Variants in SNTB1 observed in about 807,000 individuals in gnomAD.
The protein encoded by SNTB1 is beta-1-syntrophin.
A neutral mutation model predicts 48.9 loss-of-function variants in SNTB1; 36 were observed. That is an observed-to-expected ratio of 0.74 (90% confidence interval 0.56 to 0.97). The LOEUF (loss-of-function observed/expected upper bound fraction) is 0.97, where lower values mean the gene tolerates loss of function less well. Among genes scored for constraint, SNTB1 ranks in the 50% least tolerant of loss-of-function variants. The pLI is 0.00. For missense variants in SNTB1, 786 were observed against 703.4 expected, an observed-to-expected ratio of 1.12 and a Z score of -1.33; for synonymous variants, 299 against 294.6, an observed-to-expected ratio of 1.01 and a Z score of -0.15.
At chr8:120,618,188 T>C (rs1313303735) in intron 3 of SNTB1, among the ~76,000 whole-genome samples, 1 of 152,184 alleles carries the variant, frequency 6.6e-6, no homozygotes, top group Non-Finnish European at 1.5e-5. Flanking sequence ...GAGCCCCCAC[T>C]GATTTAATAT....
intron 2 of SNTB1, among the ~76,000 whole-genome samples, chr8:120,645,613 G>A (rs1817279502): frequency 7.2e-6 from 1 of 138,006 alleles, no homozygotes; most frequent in Non-Finnish European, 1.6e-5. Context: ...CTCCAGCTTT[G>A]TTCTTTTGGC....
chr8:120,636,320 C>T (rs953113816), intron 2 of SNTB1, among the ~76,000 whole-genome samples: 2 of 147,312 alleles, frequency 1.4e-5, no homozygotes, highest in African/African-American at 5.0e-5. Flanking sequence ...TATACATGTG[C>T]CATGCTGGTG....
chr8:120,794,685 A>G (rs1820092363), intron 1 of SNTB1, among the ~76,000 whole-genome samples: 1 of 152,022 alleles, frequency 6.6e-6, no homozygotes, highest in African/African-American at 2.4e-5. Context: ...TTCAGTCAGT[A>G]CTGATTGAAG....
chr8:120,558,366 T>C (rs900567438), intron 4 of SNTB1, among the ~76,000 whole-genome samples: 6 of 152,166 alleles, frequency 3.9e-5, no homozygotes, highest in Non-Finnish European at 8.8e-5. Context: ...GGGACGGGGT[T>C]TGAAGCTGAA....
At chr8:120,601,282 C>A (rs1333246042) in intron 3 of SNTB1, among the ~76,000 whole-genome samples, 1 of 152,092 alleles carries the variant, frequency 6.6e-6, no homozygotes, top group Non-Finnish European at 1.5e-5. Context: ...CATTACATAC[C>A]TAAGGATGGT....
intron 1 of SNTB1, among the ~76,000 whole-genome samples, chr8:120,767,408 A>T (rs867116246): frequency 1.3e-5 from 2 of 152,240 alleles, no homozygotes; most frequent in South Asian, 4.1e-4. Context: ...GTGTATATAA[A>T]GTGTTCATAC....
intron 1 of SNTB1, among the ~76,000 whole-genome samples, chr8:120,737,039 A>G (rs1174904649): frequency 6.6e-6 from 1 of 152,206 alleles, no homozygotes; most frequent in East Asian, 1.9e-4. Flanking sequence ...ATATATTAGC[A>G]TGATGGAGCG....
At chr8:120,578,706 GAA>G (rs1361971208) in intron 3 of SNTB1, among the ~76,000 whole-genome samples, 1 of 152,186 alleles carries the variant, frequency 6.6e-6, no homozygotes, top group African/African-American at 2.4e-5. Context: ...AGCATGAGAG[GAA>G]AGGTTTACAA....
chr8:120,754,624 T>C (rs889293454), intron 1 of SNTB1, among the ~76,000 whole-genome samples: 5 of 152,166 alleles, frequency 3.3e-5, no homozygotes, highest in Non-Finnish European at 7.4e-5. Context: ...AATGACATCA[T>C]GCATGTGAAG....
intron 2 of SNTB1, among the ~76,000 whole-genome samples, chr8:120,670,885 C>T (rs963902283): frequency 2.0e-5 from 3 of 152,164 alleles, no homozygotes; most frequent in Non-Finnish European, 2.9e-5. Flanking sequence ...CTGTTACTAC[C>T]ATTCTATGAA....
rs555764304 is a variant in SNTB1 at position 120,655,799 on chromosome 8, C to A, written c.789-23148G>T. 3.3e-5 allele frequency among the ~76,000 whole-genome samples: 5 copies of A among 152,278 alleles called. No homozygotes were observed. The South Asian group carries it at 1.0e-3, about 32-fold the overall frequency. ...CTTCCTTGTTGCTCAAGGACAGAAC[C>A]ACTCACACTGAATGGCAATTCTGAA... On this transcript the variant is annotated intron_variant, in intron 2 of 6. Transcript: ENST00000517992.
At position 120,662,576 on chromosome 8, in the gene SNTB1, G is replaced by A. The variant is rs375588575; in HGVS notation, c.789-29925C>T. 5.9e-5 allele frequency among the ~76,000 whole-genome samples: 9 copies of A among 152,292 alleles called. No individual in the cohort carries two copies. In the East Asian group the frequency reaches 1.2e-3, roughly 20 times the overall value. On this transcript the variant is annotated intron_variant, in intron 2 of 6. Coordinates refer to ENST00000517992, the MANE Select transcript of SNTB1 (RefSeq NM_021021.4). ...GGTTGGGAGGAGCAGGCAGTGGAGA[G>A]CGAGAGGAGAATGCTGTGTGTGCTG...
chr8:120,613,322 G>A (rs1173311608), intron 3 of SNTB1, among the ~76,000 whole-genome samples: 1 of 149,954 alleles, frequency 6.7e-6, no homozygotes, highest in East Asian at 1.9e-4. Flanking sequence ...CTGCACTTTA[G>A]CCTGGGCAAC....
chr8:120,729,032 T>G (rs1041689515), intron 1 of SNTB1, among the ~76,000 whole-genome samples: 2 of 151,630 alleles, frequency 1.3e-5, no homozygotes, highest in East Asian at 1.9e-4. Flanking sequence ...CAGGCTGGAG[T>G]GCACTGGTGC....
rs959301730 is a variant in SNTB1, at chr8:120,537,264, A to G, written c.*1613T>C. The G allele has an allele frequency of 6.6e-6, 1 of 152,154 alleles. No homozygotes were observed. Among genetic ancestry groups the G allele is most frequent in the African/African-American group, 2.4e-5 (1 of 41,444 alleles). 9.4% of individuals were successfully genotyped at this position (152,154 alleles called of 1,614,324 possible). A position where few individuals can be genotyped will look rare whatever the true frequency, so the allele number is the denominator to read the frequency against. On this transcript the variant is annotated 3_prime_UTR_variant, in exon 7 of 7. Transcript: ENST00000517992. ...CCGGATTTCGCCTTGAAGAACCACA[A>G]TGAACTTTAAAATCTTCAAGGAGGC...
chr8:120,784,296 C>G (rs1049566030), intron 1 of SNTB1, among the ~76,000 whole-genome samples: 1 of 148,664 alleles, frequency 6.7e-6, no homozygotes, highest in African/African-American at 2.6e-5. Context: ...GCCCAGCCTG[C>G]ACCATTTTTT....
chr8:120,636,060 T>TA, intron 2 of SNTB1: 2 of 746,176 alleles, frequency 2.7e-6, no homozygotes, highest in Non-Finnish European at 1.9e-6. Flanking sequence ...CTTTTTTTTT[T>TA]ATTATTTTAA....
Position 120,702,215 on chromosome 8 carries a change from G to A in SNTB1, c.572-8307C>T, listed in dbSNP as rs182906799. On this transcript the variant is annotated intron_variant, in intron 1 of 6. Coordinates refer to ENST00000517992, the MANE Select transcript of SNTB1 (RefSeq NM_021021.4). Reference sequence around the variant, plus strand: ...ATTCCAGTACACATGTGCCTGTTGCGGCACAGGGTGGAGACATTAAACAAG... The same window carrying A: ...ATTCCAGTACACATGTGCCTGTTGCAGCACAGGGTGGAGACATTAAACAAG... Among the ~76,000 whole-genome samples the A allele has an allele frequency of 3.4e-3, 515 of 152,270 alleles. 5 individuals carry two copies. The highest frequency in any genetic ancestry group is 0.012 in the African/African-American group (485 of 41,552).
At chr8:120,735,058 G>T (rs1818919915) in intron 1 of SNTB1, among the ~76,000 whole-genome samples, 1 of 152,196 alleles carries the variant, frequency 6.6e-6, no homozygotes, top group Non-Finnish European at 1.5e-5. Flanking sequence ...GAGAATACAA[G>T]TCTGTACATT....
Sources: allele counts gnomAD v4.1 joint callset (sites outside exome capture counted in the v4.1 genomes callset), GRCh38; gene constraint gnomAD v4.1.1; transcripts MANE v1.5; gene names NCBI Gene and HGNC (gene_info 2026-07-23, HGNC 2026-07-21).